The following CHD6 variants were observed in gnomAD, a reference collection of about 807,000 sequenced individuals.
CHD6 encodes chromodomain helicase DNA binding protein 6.
In CHD6, 50 loss-of-function variants were observed where a neutral mutation model predicts 276.9. That is an observed-to-expected ratio of 0.18 (90% CI 0.14 to 0.23). The LOEUF (loss-of-function observed/expected upper bound fraction) is 0.23, where lower values mean the gene tolerates loss of function less well. Ranked by LOEUF, CHD6 falls within the 10% of genes least tolerant of loss-of-function variation. CHD6 has a pLI of 1.00. For synonymous variants in CHD6, 1,173 were observed against 1,229.3 expected (o/e 0.95, Z 0.96); for missense variants, 2,564 against 3,365.8 (o/e 0.76, Z 5.89).
intron 1 of CHD6, among the ~76,000 whole-genome samples, chr20:41,562,644 G>T (rs527786626): frequency 6.6e-6 from 1 of 152,220 alleles, no homozygotes; most frequent in Admixed American, 6.5e-5. Context: ...AATTTCTGAT[G>T]TTCTCTACTA....
chr20:41,571,753 G>A (rs2045420037), intron 1 of CHD6, among the ~76,000 whole-genome samples: 1 of 151,204 alleles, frequency 6.6e-6, no homozygotes, highest in African/African-American at 2.4e-5. Flanking sequence ...TTCTAGACTG[G>A]ATCTTGTTTT....
chr20:41,577,427 T>C (rs557336414), intron 1 of CHD6, among the ~76,000 whole-genome samples: 1 of 152,346 alleles, frequency 6.6e-6, no homozygotes, highest in Admixed American at 6.5e-5. Context: ...TCTGCTACGT[T>C]TCTCTTGATT....
chr20:41,484,624 G>T lies in CHD6; in HGVS notation c.2002-17C>A. Reference sequence around the variant, plus strand: ...TTTCTTTACCTGTCCAGGGAAATGAGACCTAGTTACCTGCCTCAATCCCAA... The same window carrying T: ...TTTCTTTACCTGTCCAGGGAAATGATACCTAGTTACCTGCCTCAATCCCAA... On this transcript the variant is annotated splice_polypyrimidine_tract_variant and intron_variant, in intron 14 of 36. Coordinates refer to ENST00000373233, the MANE Select transcript of CHD6 (RefSeq NM_032221.5). 1 of 1,613,044 alleles carries T rather than the reference G, an allele frequency of 6.2e-7. No individual in the cohort carries two copies. The highest frequency in any genetic ancestry group is 8.5e-7 in the Non-Finnish European group (1 of 1,179,436).
intron 1 of CHD6, among the ~76,000 whole-genome samples, chr20:41,576,089 T>G (rs1216321522): frequency 6.6e-6 from 1 of 152,088 alleles, no homozygotes; most frequent in Non-Finnish European, 1.5e-5. Flanking sequence ...CAAGCAAAAT[T>G]TACTAAAAAG....
Position 41,466,777 on chromosome 20 carries a change from C to T in CHD6, c.2664+6545G>A, listed in dbSNP as rs189234681. Among the ~76,000 whole-genome samples the T allele has an allele frequency of 6.1e-4, 93 of 152,322 alleles. 1 individual carries two copies. Among genetic ancestry groups the T allele is most frequent in the African/African-American group, 1.9e-3 (80 of 41,570 alleles). ...TGGCCTTCGTAGCATCCATCTCTTT[C>T]TTGCTCACTGCCAGAACCCTGACTC... On this transcript the variant is annotated intron_variant, in intron 17 of 36. Coordinates refer to ENST00000373233, the MANE Select transcript of CHD6 (RefSeq NM_032221.5).
In CHD6 at chr20:41,479,529, G is replaced by A. The variant is rs143136956; in HGVS notation, c.2468+3780C>T. On this transcript the variant is annotated intron_variant, in intron 16 of 36. Transcript: ENST00000373233. ...ACTAACACTGTAAAGAGCTGGAGGGGGAAGAAAAGGAAAAAAAAGTGAACC... is the reference window on the plus strand; with the variant it reads ...ACTAACACTGTAAAGAGCTGGAGGGAGAAGAAAAGGAAAAAAAAGTGAACC... Among the ~76,000 whole-genome samples the A allele has an allele frequency of 5.6e-3, 851 of 152,002 alleles. 8 individuals carry two copies. Among genetic ancestry groups the A allele is most frequent in the Middle Eastern group, 0.024 (7 of 294 alleles).
chr20:41,403,291 T>G lies in CHD6; in HGVS notation c.*1302A>C. On this transcript the variant is annotated 3_prime_UTR_variant, in exon 37 of 37. Coordinates refer to ENST00000373233, the MANE Select transcript of CHD6 (RefSeq NM_032221.5). ...CCAGAGTACTGAACCATGAGCTTAC[T>G]TCAAGTCTCAGAGTGTGAACTACCT... 2.8e-6 allele frequency: 3 copies of G among 1,063,076 alleles called. No homozygotes were observed. Among genetic ancestry groups the G allele is most frequent in the Non-Finnish European group, 3.4e-6 (3 of 877,564 alleles). 65.9% of individuals were successfully genotyped at this position (1,063,076 alleles called of 1,614,324 possible).
At chr20:41,509,228 T>C (rs2044053191) in intron 5 of CHD6, among the ~76,000 whole-genome samples, 1 of 152,036 alleles carries the variant, frequency 6.6e-6, no homozygotes, top group Admixed American at 6.6e-5. Context: ...ATAATTATAA[T>C]AGTGAAAAAC....
Position 41,405,596 on chromosome 20 carries a change from C to T in CHD6, c.7252-107G>A, listed in dbSNP as rs538472573. 2.1e-4 allele frequency: 170 copies of T among 826,164 alleles called. 4 individuals carry two copies. In the South Asian group the frequency reaches 2.6e-3, roughly 13 times the overall value. The allele number at this position is 826,164 out of a possible 1,614,324, so 51.2% of individuals were successfully genotyped here. On this transcript the variant is annotated intron_variant, in intron 36 of 36. Coordinates refer to ENST00000373233, the MANE Select transcript of CHD6 (RefSeq NM_032221.5). ...CTGGCCTGGCCTGTCTCCAGCTGCA[C>T]GAAGGGTTCCCAGTACAAGGAGCAC...
chr20:41,426,958 A>G (rs2047383519), intron 27 of CHD6, among the ~76,000 whole-genome samples: 1 of 152,206 alleles, frequency 6.6e-6, no homozygotes, highest in African/African-American at 2.4e-5. Flanking sequence ...CCTGAATGAC[A>G]GTACAGAACA....
chr20:41,525,889 T>TTG (rs941657779), intron 3 of CHD6, among the ~76,000 whole-genome samples: 1 of 152,178 alleles, frequency 6.6e-6, no homozygotes, highest in African/African-American at 2.4e-5. Flanking sequence ...TCTTGAACAC[T>TTG]TGTCAAGGTT....
chr20:41,610,429 G>T (rs1387858304), intron 1 of CHD6, among the ~76,000 whole-genome samples: 2 of 152,030 alleles, frequency 1.3e-5, no homozygotes, highest in East Asian at 3.9e-4. Flanking sequence ...AGGGAGGCTT[G>T]GTAAATGTTA....
At chr20:41,614,174 A>G (rs986531239) in intron 1 of CHD6, among the ~76,000 whole-genome samples, 8 of 152,204 alleles carry the variant, frequency 5.3e-5, no homozygotes, top group Admixed American at 4.6e-4. Flanking sequence ...GGGTAAAAAA[A>G]TGGAAATCTC....
chr20:41,415,266 G>A lies in CHD6; in HGVS notation c.6859C>T (p.Arg2287Trp), dbSNP rs750678347. The change falls in exon 34 of 37, where the codon CGG (arginine) becomes TGG (tryptophan). Residue 2287 changes from arginine (R) to tryptophan (W), a missense_variant. Coordinates refer to ENST00000373233, the MANE Select transcript of CHD6 (RefSeq NM_032221.5). ...LRRDDAATRR[R>W]RGRRKHVEGG... ...TCAACATGTTTCCGCCTCCCTCTCC[G>A]CCTCCTCGTGGCTGCATCATCTCTT... The A allele has an allele frequency of 5.6e-6, 9 of 1,613,984 alleles. No homozygotes were observed. The highest frequency in any genetic ancestry group is 5.0e-5 in the Admixed American group (3 of 60,010).
intron 1 of CHD6, among the ~76,000 whole-genome samples, chr20:41,558,113 G>A (rs989942201): frequency 6.6e-6 from 1 of 152,188 alleles, no homozygotes; most frequent in East Asian, 1.9e-4. Flanking sequence ...CTCGGAGGCA[G>A]TCCAGTGGGT....
At chr20:41,579,434 T>G (rs933438983) in intron 1 of CHD6, among the ~76,000 whole-genome samples, 2 of 58,244 alleles carry the variant, frequency 3.4e-5, no homozygotes, top group African/African-American at 2.0e-4. Context: ...TGAGACTCTG[T>G]CTCAAAAAAA....
chr20:41,581,928 A>G (rs2045544860), intron 1 of CHD6, among the ~76,000 whole-genome samples: 1 of 152,328 alleles, frequency 6.6e-6, no homozygotes, highest in Non-Finnish European at 1.5e-5. Context: ...TAACTAGGAG[A>G]GAAAATGTAT....
At chr20:41,498,598 T>A (rs183216837) in intron 6 of CHD6, among the ~76,000 whole-genome samples, 2 of 152,156 alleles carry the variant, frequency 1.3e-5, no homozygotes, top group East Asian at 3.9e-4. Context: ...TGGTAGTCAC[T>A]CTCCAAGTAA....
At chr20:41,506,940 T>C (rs896979963) in intron 5 of CHD6, among the ~76,000 whole-genome samples, 3 of 152,176 alleles carry the variant, frequency 2.0e-5, no homozygotes, top group African/African-American at 7.2e-5. Context: ...AAGCAAGTAC[T>C]ATGAGAACAC....
Sources: allele counts gnomAD v4.1 joint callset (sites outside exome capture counted in the v4.1 genomes callset), GRCh38; gene constraint gnomAD v4.1.1; transcripts MANE v1.5; gene names NCBI Gene and HGNC (gene_info 2026-07-23, HGNC 2026-07-21).